FARS2: variants seen among roughly 807,000 people sequenced by gnomAD.
The protein encoded by FARS2 is phenylalanyl-tRNA synthetase 2, mitochondrial, also known as phenylalanine--tRNA ligase, mitochondrial.
FARS2 carries 40 observed loss-of-function variants against 46.4 expected under a neutral mutation model. The ratio of observed to expected loss-of-function variants is 0.86; its 90% CI spans 0.67 to 1.12. FARS2 has a LOEUF of 1.12. FARS2 is among the 50% of genes most tolerant of loss of function. The pLI is 0.00. For missense variants in FARS2, 513 were observed against 567.9 expected (o/e 0.90, Z 0.98); for synonymous variants, 234 against 214.9 (o/e 1.09, Z -0.78).
chr6:5,325,501 G>A (rs1455764515), intron 1 of FARS2, among the ~76,000 whole-genome samples: 1 of 152,162 alleles, frequency 6.6e-6, no homozygotes, highest in Admixed American at 6.5e-5. Flanking sequence ...CAAGCTTCAA[G>A]CACAAAGAAT....
At chr6:5,638,116 T>C (rs1285248636) in intron 6 of FARS2, among the ~76,000 whole-genome samples, 1 of 152,226 alleles carries the variant, frequency 6.6e-6, no homozygotes. Flanking sequence ...TGCCTTATAC[T>C]GCAAGATGGT....
intron 6 of FARS2, among the ~76,000 whole-genome samples, chr6:5,750,893 T>C (rs930247822): frequency 7.2e-5 from 11 of 152,174 alleles, no homozygotes; most frequent in Non-Finnish European, 1.2e-4. Flanking sequence ...TTTTAGGATT[T>C]CTAAGTCTTT....
At chr6:5,308,267 C>A (rs769924487) in intron 1 of FARS2, among the ~76,000 whole-genome samples, 2 of 152,118 alleles carry the variant, frequency 1.3e-5, no homozygotes, top group Non-Finnish European at 2.9e-5. Context: ...CAGGAAGGAG[C>A]CCAGTGATGC....
intron 1 of FARS2, among the ~76,000 whole-genome samples, chr6:5,263,166 A>G (rs903913881): frequency 6.6e-6 from 1 of 152,260 alleles, no homozygotes; most frequent in African/African-American, 2.4e-5. Flanking sequence ...AAGTTGGAAT[A>G]ATTACTATAT....
chr6:5,709,716 TGGG>T lies in FARS2; in HGVS notation c.1218-61569_1218-61567del, dbSNP rs373161861. On this transcript the variant is annotated intron_variant, in intron 6 of 6. Transcript: ENST00000274680. ...TGTGTGTGCGCATGCACGTGCATGT[TGGG>T]GGGGGTGGGGTTGTGTGTGTGTGTG... Among the ~76,000 whole-genome samples, 103 of 133,626 alleles carry T rather than the reference TGGG, an allele frequency of 7.7e-4. 1 individual carries two copies. Among genetic ancestry groups the T allele is most frequent in the Non-Finnish European group, 1.4e-3 (90 of 62,646 alleles). 87.7% of individuals were successfully genotyped at this position (133,626 alleles called of 152,430 possible).
chr6:5,506,857 C>T (rs1768130873), intron 4 of FARS2, among the ~76,000 whole-genome samples: 1 of 152,224 alleles, frequency 6.6e-6, no homozygotes, highest in Non-Finnish European at 1.5e-5. Context: ...AACAGTAAAT[C>T]TTCAGTGTTG....
chr6:5,619,053 A>G (rs1344266207), intron 6 of FARS2, among the ~76,000 whole-genome samples: 1 of 152,220 alleles, frequency 6.6e-6, no homozygotes, highest in Non-Finnish European at 1.5e-5. Context: ...GTTGCTCAGA[A>G]TATTTCTTAG....
At chr6:5,307,158 G>A (rs1210223576) in intron 1 of FARS2, among the ~76,000 whole-genome samples, 2 of 152,024 alleles carry the variant, frequency 1.3e-5, no homozygotes, top group African/African-American at 2.4e-5. Context: ...TTTCCATTGA[G>A]GGGCATTTGT....
chr6:5,767,453 A>G (rs538282256), intron 6 of FARS2, among the ~76,000 whole-genome samples: 2 of 152,302 alleles, frequency 1.3e-5, no homozygotes, highest in Middle Eastern at 3.4e-3. Context: ...AACACATGCT[A>G]TCAATTCTCT....
intron 3 of FARS2, among the ~76,000 whole-genome samples, chr6:5,422,252 C>T (rs1005763381): frequency 6.6e-6 from 1 of 152,186 alleles, no homozygotes; most frequent in African/African-American, 2.4e-5. Flanking sequence ...TCAGTTACCT[C>T]CCACTGGGCC....
chr6:5,300,309 A>G (rs995862147), intron 1 of FARS2, among the ~76,000 whole-genome samples: 2 of 152,212 alleles, frequency 1.3e-5, no homozygotes, highest in African/African-American at 4.8e-5. Context: ...TAACATAAGC[A>G]TGTCCAAATG....
At chr6:5,453,168 C>T (rs1181745921) in intron 4 of FARS2, among the ~76,000 whole-genome samples, 2 of 152,064 alleles carry the variant, frequency 1.3e-5, no homozygotes, top group East Asian at 1.9e-4. Context: ...ACTGCAACAT[C>T]GTTCTGTAAA....
chr6:5,671,556 G>A (rs1183853164), intron 6 of FARS2, among the ~76,000 whole-genome samples: 1 of 152,142 alleles, frequency 6.6e-6, no homozygotes, highest in African/African-American at 2.4e-5. Flanking sequence ...CCCTTCTCGT[G>A]CCCCATTTCC....
At chr6:5,376,249 TTTA>T (rs1759371959) in intron 2 of FARS2, among the ~76,000 whole-genome samples, 1 of 152,344 alleles carries the variant, frequency 6.6e-6, no homozygotes, top group South Asian at 2.1e-4. Context: ...ATGTGTATGA[TTTA>T]TTGTGTAAGA....
chr6:5,379,980 C>G (rs1759650447), intron 2 of FARS2, among the ~76,000 whole-genome samples: 1 of 152,214 alleles, frequency 6.6e-6, no homozygotes, highest in African/African-American at 2.4e-5. Context: ...AGCTTGCTCC[C>G]TTTCCTGAAT....
intron 5 of FARS2, among the ~76,000 whole-genome samples, chr6:5,569,470 C>CTG (rs200258132): frequency 2.0e-5 from 3 of 151,708 alleles, no homozygotes; most frequent in Admixed American, 6.6e-5. Flanking sequence ...ACTGATCCAC[C>CTG]CACCTCGGCT....
chr6:5,668,148 C>G (rs931691259), intron 6 of FARS2: 8 of 152,226 alleles, frequency 5.3e-5, no homozygotes, highest in African/African-American at 1.9e-4. Flanking sequence ...AATTTGAAAA[C>G]AGATGAGAGG....
chr6:5,563,676 TG>T (rs1715993647), intron 5 of FARS2, among the ~76,000 whole-genome samples: 3 of 152,258 alleles, frequency 2.0e-5, no homozygotes, highest in Admixed American at 2.0e-4. Context: ...GGCATGTCCA[TG>T]TGTGTGTGGT....
chr6:5,459,091 T>C (rs776031230), intron 4 of FARS2, among the ~76,000 whole-genome samples: 1 of 152,252 alleles, frequency 6.6e-6, no homozygotes, highest in Non-Finnish European at 1.5e-5. Flanking sequence ...ACAGAACTGA[T>C]GACACTGGTC....
Sources: gnomAD v4.1 joint callset for allele counts (sites outside exome capture counted in the v4.1 genomes callset) on GRCh38, gnomAD v4.1.1 for gene constraint, MANE v1.5 for transcripts, NCBI Gene and HGNC (gene_info 2026-07-23, HGNC 2026-07-21) for gene names.